Variants in UPF1 observed in about 807,000 individuals in gnomAD.
UPF1 encodes regulator of nonsense transcripts 1.
In UPF1, 9 loss-of-function variants were observed where a neutral mutation model predicts 129.2. The observed-to-expected ratio is 0.07, with a 90% CI of 0.04 to 0.12. The LOEUF (loss-of-function observed/expected upper bound fraction) is 0.12. UPF1 is among the 10% of genes least tolerant of loss of function. UPF1 has a pLI of 1.00. For missense variants in UPF1, 788 were observed against 1,525.3 expected (o/e 0.52, Z 8.05); for synonymous variants, 649 against 644.9 (o/e 1.01, Z -0.10).
rs926226994 is a variant in UPF1 at position 18,856,269 on chromosome 19, T to C, written c.1793T>C (p.Leu598Ser). ...GCCGACGAGAAGCGGTACCGGGCCT[T>C]GAAGCGCACCGCAGAGAGAGAGCTG... ...SSADEKRYRA[L>S]KRTAERELLM... is the part of the protein sequence containing the mutation. The change falls in exon 13 of 24, where the codon TTG (leucine) becomes TCG (serine). Residue 598 changes from leucine (L) to serine (S), a missense_variant. Coordinates refer to ENST00000262803, the MANE Select transcript of UPF1 (RefSeq NM_002911.4). 1.2e-6 allele frequency: 2 copies of C among 1,606,008 alleles called. No individual in the cohort carries two copies. Among genetic ancestry groups the C allele is most frequent in the Non-Finnish European group, 1.7e-6 (2 of 1,173,396 alleles).
chr19:18,866,295 A>T, intron 23 of UPF1, 129 bp downstream of exon 23: 14 of 1,363,318 alleles, frequency 1.0e-5, no homozygotes, highest in Non-Finnish European at 1.3e-5. Flanking sequence ...TGGGGGTCAT[A>T]GGCCCTCAGG....
rs1476250687 is a variant in UPF1 at position 18,867,881 on chromosome 19, C to T, written c.*1364C>T. 1.3e-5 allele frequency: 2 copies of T among 152,326 alleles called. No individual in the cohort carries two copies. The highest frequency in any genetic ancestry group is 2.4e-5 in the African/African-American group (1 of 41,460). The allele number at this position is 152,326 out of a possible 1,614,324, so 9.4% of individuals were successfully genotyped here. A position where few individuals can be genotyped will look rare whatever the true frequency, so the allele number is the denominator to read the frequency against. On this transcript the variant is annotated 3_prime_UTR_variant, in exon 24 of 24. Coordinates refer to ENST00000262803, the MANE Select transcript of UPF1 (RefSeq NM_002911.4). ...TCCGAACACCTCCAGATTCCGGCTT[C>T]TACATGGGACAGACGGGGACGCACA...
intron 14 of UPF1, 87 bp from the exon 15 acceptor site, chr19:18,857,226 CTGTGCAT>C: frequency 6.7e-7 from 1 of 1,483,962 alleles, no homozygotes; most frequent in Admixed American, 2.0e-5. Context: ...AGGTGGTGTC[CTGTGCAT>C]CCTGGGGCCC....
intron 2 of UPF1, among the ~76,000 whole-genome samples, chr19:18,847,296 G>A (rs535893751): frequency 2.1e-4 from 32 of 152,334 alleles, no homozygotes; most frequent in African/African-American, 7.5e-4. Context: ...AGGCTCTCCC[G>A]AGGCTCCTCG....
Position 18,865,225 on chromosome 19 carries a change from G to A in UPF1, c.2858-64G>A, listed in dbSNP as rs2055829002. The A allele has an allele frequency of 3.7e-5, 56 of 1,516,614 alleles. No individual in the cohort carries two copies. The East Asian group carries it at 1.3e-3, about 37-fold the overall frequency. The allele number at this position is 1,516,614 out of a possible 1,614,324, so 93.9% of individuals were successfully genotyped here. On this transcript the variant is annotated intron_variant, in intron 20 of 23. Coordinates refer to ENST00000262803, the MANE Select transcript of UPF1 (RefSeq NM_002911.4). This position sits in a 1 kb window ranked among gnomAD's most constrained non-coding sequence, Gnocchi z 6.1. ...TCCGGCTGACTGGCTGGTGGGGTGG[G>A]TGGGGTATCGCTGGGGTTTGACCGA...
intron 18 of UPF1, among the ~76,000 whole-genome samples, chr19:18,862,692 C>T (rs139173569): frequency 1.3e-5 from 2 of 152,244 alleles, no homozygotes; most frequent in East Asian, 3.9e-4. Flanking sequence ...ATGAGCCGGG[C>T]GTGGTGGCAC....
intron 13 of UPF1, among the ~76,000 whole-genome samples, chr19:18,856,629 C>G (rs550808185): frequency 6.6e-6 from 1 of 152,330 alleles, no homozygotes; most frequent in South Asian, 2.1e-4. Flanking sequence ...CCCTTGGAGG[C>G]TGTCGTGAGG....
Position 18,850,669 on chromosome 19 carries a change from G to GC in UPF1, c.630-14dup. ...TCAGGGACGGGAGCTGGTCCTCACG[G>GC]CCCCCTCCCGCTCTGCAGGCAGCCC... is the stretch of plus-strand genomic sequence containing the variant. On this transcript the variant is annotated intron_variant, in intron 4 of 23. Coordinates refer to ENST00000262803, the MANE Select transcript of UPF1 (RefSeq NM_002911.4). The surrounding 1 kb of genome is among the most constrained non-coding windows in gnomAD (Gnocchi z 7.1). 6.5e-7 allele frequency: 1 copy of GC among 1,545,266 alleles called. No individual in the cohort carries two copies. The highest frequency in any genetic ancestry group is 8.7e-7 in the Non-Finnish European group (1 of 1,143,728).
At chr19:18,834,756 A>C (rs2055465910) in intron 1 of UPF1, among the ~76,000 whole-genome samples, 1 of 152,218 alleles carries the variant, frequency 6.6e-6, no homozygotes, top group Non-Finnish European at 1.5e-5. Context: ...TGTGAATTGA[A>C]GGCAGTGTCT....
rs750140343 is a variant in UPF1, at chr19:18,832,375, G to T, written c.166G>T (p.Gly56Cys). 8 of 1,244,852 alleles carry T rather than the reference G, an allele frequency of 6.4e-6. No homozygotes were observed. Among genetic ancestry groups the T allele is most frequent in the Non-Finnish European group, 8.2e-6 (8 of 975,194 alleles). 77.1% of individuals were successfully genotyped at this position (1,244,852 alleles called of 1,614,324 possible). A position where few individuals can be genotyped will look rare whatever the true frequency, so the allele number is the denominator to read the frequency against. ...TPPGGPGGPGGGGAGGPGGAG... is the reference protein window; with the variant it reads ...TPPGGPGGPGCGGAGGPGGAG... ...CCCCGGCGGCCCCGGCGGCCCGGGC[G>T]GTGGCGGCGCGGGAGGCCCGGGCGG... is the stretch of plus-strand genomic sequence containing the variant. Residue 56 changes from glycine to cysteine, a missense_variant, in exon 1 of 24, where the codon GGT becomes TGT. Physicochemically the swap from Gly to Cys is radical, Grantham distance 159 (BLOSUM62 -3). Around this residue, in one of 6 missense-constraint regions of UPF1, gnomAD observed 112 missense variants for 128.2 expected, o/e 0.87. Transcript: ENST00000262803. This position sits in a 1 kb window ranked among gnomAD's most constrained non-coding sequence, Gnocchi z 5.6.
rs755841787 is a variant in UPF1 at position 18,865,292 on chromosome 19, G to A, written c.2861G>A (p.Arg954Gln). The part of the protein sequence containing the change: ...GSVYDRSSQG[R>Q]PSSMYFQTHD... Reference sequence around the variant, plus strand: ...CGTGTTCCACTGTGATTTGCAGGCCGGCCTTCCAGCATGTACTTCCAGACC... The same window carrying A: ...CGTGTTCCACTGTGATTTGCAGGCCAGCCTTCCAGCATGTACTTCCAGACC... Residue 954 changes from arginine to glutamine, a missense_variant, in exon 21 of 24, where the codon CGG (arginine) becomes CAG (glutamine). Physicochemically the swap from Arg to Gln is conservative, Grantham distance 43. This residue lies in a region of UPF1 where 218 missense variants were observed against 318.1 expected (regional missense o/e 0.69). Coordinates refer to ENST00000262803, the MANE Select transcript of UPF1 (RefSeq NM_002911.4). The surrounding 1 kb of genome is among the most constrained non-coding windows in gnomAD (Gnocchi z 6.1). 3.1e-6 allele frequency: 5 copies of A among 1,601,030 alleles called. No homozygotes were observed. Among genetic ancestry groups the A allele is most frequent in the South Asian group, 1.1e-5 (1 of 90,828 alleles).
chr19:18,849,727 C>T, intron 3 of UPF1: 2 of 271,604 alleles, frequency 7.4e-6, no homozygotes, highest in Non-Finnish European at 1.4e-5. Context: ...GGGGCTGGGG[C>T]CTTGTGGGAA....
At chr19:18,835,405 G>C (rs985243912) in intron 1 of UPF1, among the ~76,000 whole-genome samples, 1 of 151,860 alleles carries the variant, frequency 6.6e-6, no homozygotes, top group African/African-American at 2.4e-5. Context: ...GCAGTGGCGT[G>C]ATCTTGGCTC....
chr19:18,855,324 G>A, intron 11 of UPF1, 82 bp downstream of exon 11: 1 of 1,487,522 alleles, frequency 6.7e-7, no homozygotes, highest in Non-Finnish European at 9.1e-7. Flanking sequence ...TGGGAGCCTT[G>A]GGCTCTGTCA....
At chr19:18,839,568 G>T (rs564106573) in intron 1 of UPF1, among the ~76,000 whole-genome samples, 1 of 152,124 alleles carries the variant, frequency 6.6e-6, no homozygotes, top group Non-Finnish European at 1.5e-5. Context: ...TGTGTCCACC[G>T]CCTCAGACTG....
At chr19:18,839,122 C>CGCACT (rs2145934049) in intron 1 of UPF1, among the ~76,000 whole-genome samples, 1 of 152,248 alleles carries the variant, frequency 6.6e-6, no homozygotes. Flanking sequence ...GACGGAGTCT[C>CGCACT]GCACTGTCGC....
intron 15 of UPF1, 42 bp from the exon 16 acceptor site, chr19:18,860,279 G>C (rs1167460109): frequency 1.6e-5 from 25 of 1,602,044 alleles, no homozygotes; most frequent in Non-Finnish European, 2.1e-5. Context: ...TTTGAGGCGG[G>C]CTAGGGCTTT....
At chr19:18,854,848 G>C in intron 9 of UPF1, 31 bp from the exon 10 acceptor site, 1 of 1,612,704 alleles carries the variant, frequency 6.2e-7, no homozygotes, top group South Asian at 1.1e-5. Flanking sequence ...CCACAGCTGT[G>C]CGTGTCGCCA....
intron 1 of UPF1, among the ~76,000 whole-genome samples, chr19:18,837,233 G>C (rs1340386598): frequency 2.0e-5 from 3 of 152,122 alleles, no homozygotes; most frequent in African/African-American, 7.2e-5. Flanking sequence ...GGGACTACAG[G>C]TGTGTGCCAC....
Sources: gnomAD v4.1 joint callset for allele counts (sites outside exome capture counted in the v4.1 genomes callset) on GRCh38, gnomAD v4.1.1 for gene constraint, gnomAD v4.1.1 regional missense constraint, Gnocchi (gnomAD v3.1) non-coding constraint, MANE v1.5 for transcripts, NCBI Gene and HGNC (gene_info 2026-07-23, HGNC 2026-07-21) for gene names.